Variants in ZNF804B observed in about 807,000 individuals in gnomAD.
The protein encoded by ZNF804B is zinc finger 804B.
ZNF804B carries 80 observed loss-of-function variants against 101.4 expected under a neutral mutation model. The ratio of observed to expected loss-of-function variants is 0.79; its 90% CI spans 0.66 to 0.95. The LOEUF is 0.95. ZNF804B is among the 40% of genes least tolerant of loss of function. ZNF804B has a pLI of 0.00. For missense variants in ZNF804B, 1,673 were observed against 1,561.9 expected (o/e 1.07, Z -1.20); for synonymous variants, 622 against 558.8 (o/e 1.11, Z -1.59).
chr7:89,047,366 A>G (rs1789126083), intron 1 of ZNF804B, among the ~76,000 whole-genome samples: 1 of 152,158 alleles, frequency 6.6e-6, no homozygotes, highest in Non-Finnish European at 1.5e-5. Context: ...GATTTTCCAT[A>G]TGAATTAGGG....
chr7:88,954,074 T>C (rs1793265251), intron 1 of ZNF804B, among the ~76,000 whole-genome samples: 1 of 151,756 alleles, frequency 6.6e-6, no homozygotes, highest in African/African-American at 2.4e-5. Context: ...ATACTACCAT[T>C]TGAAAGTTTG....
At chr7:89,147,697 C>A (rs1466286572) in intron 1 of ZNF804B, among the ~76,000 whole-genome samples, 2 of 151,956 alleles carry the variant, frequency 1.3e-5, no homozygotes, top group Non-Finnish European at 2.9e-5. Flanking sequence ...ACCACCTGAG[C>A]TCTGCCACCT....
chr7:88,874,023 T>C (rs1386728286), intron 1 of ZNF804B, among the ~76,000 whole-genome samples: 1 of 152,202 alleles, frequency 6.6e-6, no homozygotes, highest in Admixed American at 6.5e-5. Context: ...TTTGGTAGTT[T>C]GATGGGGATG....
At chr7:89,278,869 AT>A (rs1790032667) in intron 2 of ZNF804B, among the ~76,000 whole-genome samples, 1 of 151,802 alleles carries the variant, frequency 6.6e-6, no homozygotes, top group African/African-American at 2.4e-5. Flanking sequence ...TTAAAGTAGT[AT>A]TTTCCAATTC....
intron 1 of ZNF804B, among the ~76,000 whole-genome samples, chr7:88,790,315 A>G (rs1273941883): frequency 6.6e-6 from 1 of 152,014 alleles, no homozygotes; most frequent in Non-Finnish European, 1.5e-5. Flanking sequence ...GGACGTGCAG[A>G]TTTTTTACGT....
chr7:89,311,294 A>T (rs1248276666), intron 2 of ZNF804B, among the ~76,000 whole-genome samples: 1 of 152,210 alleles, frequency 6.6e-6, no homozygotes, highest in Admixed American at 6.5e-5. Flanking sequence ...TAGATTATAT[A>T]CTAGACTATA....
chr7:88,938,746 A>G (rs1793011195), intron 1 of ZNF804B, among the ~76,000 whole-genome samples: 1 of 152,038 alleles, frequency 6.6e-6, no homozygotes, highest in African/African-American at 2.4e-5. Flanking sequence ...AAAATAACCA[A>G]CTCAGAACAA....
intron 1 of ZNF804B, among the ~76,000 whole-genome samples, chr7:89,171,289 CTTCTT>C (rs1791223524): frequency 4.0e-5 from 1 of 25,220 alleles, no homozygotes; most frequent in Admixed American, 3.7e-4. Context: ...GCTGCTGCTG[CTTCTT>C]CTTCTTCTTC....
intron 1 of ZNF804B, among the ~76,000 whole-genome samples, chr7:89,143,778 CAAGT>C (rs1381806155): frequency 2.0e-5 from 3 of 151,942 alleles, no homozygotes; most frequent in African/African-American, 4.8e-5. Context: ...AATGCTATAA[CAAGT>C]AAGTATGAGT....
intron 1 of ZNF804B, among the ~76,000 whole-genome samples, chr7:89,185,522 T>A (rs536746219): frequency 6.6e-6 from 1 of 152,120 alleles, no homozygotes; most frequent in Non-Finnish European, 1.5e-5. Flanking sequence ...TGAGAGAAAG[T>A]TCGTCTTCAA....
intron 1 of ZNF804B, among the ~76,000 whole-genome samples, chr7:88,807,054 A>G (rs1165135977): frequency 1.3e-5 from 2 of 152,202 alleles, no homozygotes; most frequent in African/African-American, 4.8e-5. Context: ...TTGTGACTTA[A>G]AAAATGAAAA....
intron 3 of ZNF804B, among the ~76,000 whole-genome samples, chr7:89,331,594 G>A (rs903644765): frequency 6.6e-6 from 1 of 151,666 alleles, no homozygotes; most frequent in Admixed American, 6.6e-5. Flanking sequence ...TAAAATTACA[G>A]CCATTCATGA....
chr7:89,044,198 G>C (rs752790887), intron 1 of ZNF804B, among the ~76,000 whole-genome samples: 4 of 152,080 alleles, frequency 2.6e-5, no homozygotes, highest in Admixed American at 1.3e-4. Context: ...TTTTATAAAG[G>C]GCTTTTCCCT....
At chr7:89,171,229 A>G (rs1453945788) in intron 1 of ZNF804B, among the ~76,000 whole-genome samples, 5 of 152,118 alleles carry the variant, frequency 3.3e-5, no homozygotes, top group Non-Finnish European at 5.9e-5. Flanking sequence ...ATTTATGTCT[A>G]TTACCTTATT....
intron 1 of ZNF804B, among the ~76,000 whole-genome samples, chr7:89,187,644 A>AT (rs1406390663): frequency 1.3e-5 from 2 of 152,124 alleles, no homozygotes; most frequent in Admixed American, 6.6e-5. Context: ...GTGAGTATTC[A>AT]TTTTTTCTAC....
intron 1 of ZNF804B, among the ~76,000 whole-genome samples, chr7:88,998,930 TTTG>T (rs1237174464): frequency 6.6e-6 from 1 of 152,030 alleles, no homozygotes; most frequent in Non-Finnish European, 1.5e-5. Context: ...TTACTAAGAT[TTTG>T]TTAAGTGTGT....
intron 1 of ZNF804B, among the ~76,000 whole-genome samples, chr7:88,789,656 A>G (rs1411678083): frequency 6.6e-6 from 1 of 152,128 alleles, no homozygotes; most frequent in Admixed American, 6.6e-5. Flanking sequence ...CACAAGGGGG[A>G]GAACTTTAAT....
chr7:89,203,111 A>G (rs1469422209), intron 1 of ZNF804B, among the ~76,000 whole-genome samples: 1 of 152,096 alleles, frequency 6.6e-6, no homozygotes, highest in Non-Finnish European at 1.5e-5. Flanking sequence ...CACCAGTGGT[A>G]ACAGTAAGTA....
At position 89,162,169 on chromosome 7, in the gene ZNF804B, C is replaced by T. The variant is rs187470154; in HGVS notation, c.109-55986C>T. ...TATTGAATGGGAATATAATTTGCTA[C>T]AGCTGGTCACCATTTTTTAACAAGT... On this transcript the variant is annotated intron_variant, in intron 1 of 3. Transcript: ENST00000333190. Among the ~76,000 whole-genome samples, 3 of 152,252 alleles carry T rather than the reference C, an allele frequency of 2.0e-5. No individual in the cohort carries two copies. The East Asian group carries it at 5.8e-4, about 29-fold the overall frequency.
Sources: gnomAD v4.1 joint callset for allele counts (sites outside exome capture counted in the v4.1 genomes callset) on GRCh38, gnomAD v4.1.1 for gene constraint, MANE v1.5 for transcripts, NCBI Gene and HGNC (gene_info 2026-07-23, HGNC 2026-07-21) for gene names.